Variants in SGCZ observed in about 807,000 individuals in gnomAD.
SGCZ encodes sarcoglycan zeta.
In SGCZ, 40 loss-of-function variants were observed where a neutral mutation model predicts 41.3. The observed-to-expected ratio is 0.97, with a 90% CI of 0.75 to 1.26. The LOEUF (loss-of-function observed/expected upper bound fraction) is 1.26. Ranked by LOEUF, SGCZ falls within the 50% of genes most tolerant of loss-of-function variation. The pLI, the probability that SGCZ is intolerant of heterozygous loss-of-function variation, is 0.00. For synonymous variants in SGCZ, 206 were observed against 137.5 expected, an observed-to-expected ratio of 1.50 and a Z score of -3.49; for missense variants, 552 against 369.8, an observed-to-expected ratio of 1.49 and a Z score of -4.04.
At chr8:15,207,225 A>C (rs2117149720) in intron 1 of SGCZ, among the ~76,000 whole-genome samples, 1 of 152,344 alleles carries the variant, frequency 6.6e-6, no homozygotes, top group Non-Finnish European at 1.5e-5. Flanking sequence ...CAGGCTAATC[A>C]GGCAGCAATG....
chr8:14,372,233 A>C (rs950621544), intron 2 of SGCZ, among the ~76,000 whole-genome samples: 3 of 152,202 alleles, frequency 2.0e-5, no homozygotes, highest in Non-Finnish European at 2.9e-5. Flanking sequence ...ATGAAGACTA[A>C]ATTTGCGAAA....
chr8:14,830,541 A>G (rs962006338), intron 1 of SGCZ, among the ~76,000 whole-genome samples: 7 of 152,178 alleles, frequency 4.6e-5, no homozygotes, highest in Non-Finnish European at 8.8e-5. Context: ...GTAACTTTAT[A>G]TGTTTTTAAT....
intron 1 of SGCZ, among the ~76,000 whole-genome samples, chr8:15,151,752 G>C (rs1318111518): frequency 6.6e-6 from 1 of 152,088 alleles, no homozygotes; most frequent in Non-Finnish European, 1.5e-5. Context: ...GTATCAATAA[G>C]ACTTAAGCAC....
intron 1 of SGCZ, among the ~76,000 whole-genome samples, chr8:14,861,926 A>T (rs560701543): frequency 9.9e-5 from 15 of 152,220 alleles, no homozygotes; most frequent in Admixed American, 9.2e-4. Flanking sequence ...TGAAATGGAT[A>T]TTTTTGTTAA....
intron 1 of SGCZ, among the ~76,000 whole-genome samples, chr8:15,161,392 AC>A (rs1461453270): frequency 6.6e-6 from 1 of 151,722 alleles, no homozygotes; most frequent in East Asian, 1.9e-4. Flanking sequence ...CACAGCACTT[AC>A]CCCACTCATT....
At chr8:15,005,546 G>C (rs749723494) in intron 1 of SGCZ, among the ~76,000 whole-genome samples, 2 of 138,056 alleles carry the variant, frequency 1.4e-5, no homozygotes, top group African/African-American at 5.4e-5. Flanking sequence ...CGTTAGGCTG[G>C]TCTCGAACTC....
At chr8:15,152,026 A>C (rs1403470951) in intron 1 of SGCZ, among the ~76,000 whole-genome samples, 2 of 152,250 alleles carry the variant, frequency 1.3e-5, no homozygotes, top group African/African-American at 4.8e-5. Flanking sequence ...TTTGAAGTAA[A>C]ATAAGAAAGT....
chr8:14,102,098 A>G (rs772556351), intron 7 of SGCZ, among the ~76,000 whole-genome samples: 10 of 118,968 alleles, frequency 8.4e-5, no homozygotes, highest in Non-Finnish European at 1.4e-4. Flanking sequence ...ATATATATAT[A>G]TATATAATTT....
intron 1 of SGCZ, among the ~76,000 whole-genome samples, chr8:15,091,461 A>G (rs1171321924): frequency 6.6e-6 from 1 of 152,244 alleles, no homozygotes; most frequent in Non-Finnish European, 1.5e-5. Flanking sequence ...TAATCATTCA[A>G]TGCCATGTAA....
At chr8:14,754,162 A>G (rs1009124785) in intron 1 of SGCZ, among the ~76,000 whole-genome samples, 3 of 152,196 alleles carry the variant, frequency 2.0e-5, no homozygotes, top group African/African-American at 7.2e-5. Flanking sequence ...GGACCTCAAA[A>G]AAGAAGAGTA....
intron 1 of SGCZ, among the ~76,000 whole-genome samples, chr8:15,082,774 T>C (rs1224642896): frequency 1.3e-5 from 2 of 152,156 alleles, no homozygotes; most frequent in Non-Finnish European, 2.9e-5. Context: ...TAAAGAACCA[T>C]TAATGGAGCT....
intron 1 of SGCZ, among the ~76,000 whole-genome samples, chr8:15,150,605 A>C (rs1799151613): frequency 1.3e-5 from 2 of 152,194 alleles, no homozygotes; most frequent in Admixed American, 6.5e-5. Context: ...TGAACTGAAC[A>C]AGTATGTTGG....
At chr8:14,336,740 T>C (rs571654325) in intron 2 of SGCZ, among the ~76,000 whole-genome samples, 19 of 152,274 alleles carry the variant, frequency 1.2e-4, no homozygotes, top group South Asian at 2.1e-4. Flanking sequence ...CTGCCTACTG[T>C]TTTCTGGATT....
At chr8:14,232,557 A>G (rs1841911) in intron 4 of SGCZ, among the ~76,000 whole-genome samples, 95,810 of 151,766 alleles carry the variant, frequency 0.63, 30,535 homozygotes, top group South Asian at 0.77. Context: ...TATAATTAAG[A>G]TTTTTATACA....
chr8:14,767,972 T>C (rs1356706498), intron 1 of SGCZ, among the ~76,000 whole-genome samples: 1 of 152,154 alleles, frequency 6.6e-6, no homozygotes, highest in Non-Finnish European at 1.5e-5. Flanking sequence ...AAAATCCAAA[T>C]AGTGGGATCC....
At chr8:14,529,715 T>C (rs189030560) in intron 2 of SGCZ, among the ~76,000 whole-genome samples, 6 of 152,206 alleles carry the variant, frequency 3.9e-5, no homozygotes, top group Admixed American at 2.6e-4. Context: ...TCAGGACAAA[T>C]AGCACAATTT....
chr8:14,093,924 A>G (rs1162326431), intron 7 of SGCZ, among the ~76,000 whole-genome samples: 1 of 152,098 alleles, frequency 6.6e-6, no homozygotes, highest in African/African-American at 2.4e-5. Flanking sequence ...TCTTCTACTT[A>G]CAATAAGATC....
At chr8:14,224,521 A>G (rs989516236) in intron 4 of SGCZ, among the ~76,000 whole-genome samples, 9 of 152,222 alleles carry the variant, frequency 5.9e-5, no homozygotes, top group Admixed American at 2.6e-4. Context: ...TTTAGTATAT[A>G]TTATGCAACT....
intron 5 of SGCZ, among the ~76,000 whole-genome samples, chr8:14,126,016 C>T (rs1043762771): frequency 6.6e-6 from 1 of 152,114 alleles, no homozygotes; most frequent in African/African-American, 2.4e-5. Context: ...AACCCAAAAC[C>T]ATAAAAACCC....
Sources: allele counts gnomAD v4.1 joint callset (sites outside exome capture counted in the v4.1 genomes callset), GRCh38; gene constraint gnomAD v4.1.1; transcripts MANE v1.5; gene names NCBI Gene and HGNC (gene_info 2026-07-23, HGNC 2026-07-21).